ENAH: variants seen among roughly 807,000 people sequenced by gnomAD.
ENAH encodes ENAH actin regulator.
ENAH carries 23 observed loss-of-function variants against 78.7 expected under a neutral mutation model. The ratio of observed to expected loss-of-function variants is 0.29; its 90% CI spans 0.21 to 0.41. ENAH has a LOEUF of 0.41. ENAH is among the 10% of genes least tolerant of loss of function. The pLI, the probability that ENAH is intolerant of heterozygous loss-of-function variation, is 1.00. For missense variants in ENAH, 544 were observed against 691.0 expected (o/e 0.79, Z 2.39); for synonymous variants, 226 against 241.0 (o/e 0.94, Z 0.58).
Position 225,652,732 on chromosome 1 carries a change from C to G in ENAH, c.-42G>C. 7.6e-7 allele frequency: 1 copy of G among 1,315,418 alleles called. No individual in the cohort carries two copies. Among genetic ancestry groups the G allele is most frequent in the Non-Finnish European group, 9.7e-7 (1 of 1,033,930 alleles). 81.5% of individuals were successfully genotyped at this position (1,315,418 alleles called of 1,614,324 possible). A position where few individuals can be genotyped will look rare whatever the true frequency, so the allele number is the denominator to read the frequency against. On this transcript the variant is annotated 5_prime_UTR_variant, in exon 1 of 14. Coordinates refer to ENST00000366843, the MANE Select transcript of ENAH (RefSeq NM_018212.6). ...AGGCTTCCCCACCAGCCGGGAGACG[C>G]AGAAGGCGCCGAGCCGAGGGGGGGG...
rs147860269 is a variant in ENAH at position 225,650,092 on chromosome 1, G to C, written c.5+2594C>G. On this transcript the variant is annotated intron_variant, in intron 1 of 13. Coordinates refer to ENST00000366843, the MANE Select transcript of ENAH (RefSeq NM_018212.6). Reference sequence around the variant, plus strand: ...CCCAAAGAATATTCCAAAGACTTTTGCAAGCAGCACAAGAACGTTTTATCC... The same window carrying C: ...CCCAAAGAATATTCCAAAGACTTTTCCAAGCAGCACAAGAACGTTTTATCC... 1.6e-3 allele frequency among the ~76,000 whole-genome samples: 247 copies of C among 152,264 alleles called. 2 individuals are homozygous for C. The highest frequency in any genetic ancestry group is 0.013 in the Admixed American group (194 of 15,296).
chr1:225,546,090 A>G (rs1270203967), intron 3 of ENAH, among the ~76,000 whole-genome samples: 2 of 151,472 alleles, frequency 1.3e-5, no homozygotes, highest in African/African-American at 4.9e-5. Flanking sequence ...TGCCCACCTA[A>G]TTTTTAATAT....
chr1:225,497,016 CT>C lies in ENAH; in HGVS notation c.*758del. 1 of 152,754 alleles carries C rather than the reference CT, an allele frequency of 6.5e-6. No individual in the cohort carries two copies. The highest frequency in any genetic ancestry group is 3.4e-3 in the Middle Eastern group (1 of 294). 9.5% of individuals were successfully genotyped at this position (152,754 alleles called of 1,614,324 possible). On this transcript the variant is annotated 3_prime_UTR_variant, in exon 14 of 14. Transcript: ENST00000366843. ...ACAATATAGTGTTTACATTTGACCA[CT>C]GGTTTGTGTTATGTAGAAGTCATAG... is the stretch of plus-strand genomic sequence containing the variant.
chr1:225,591,881 G>C (rs754287840), intron 1 of ENAH, among the ~76,000 whole-genome samples: 1 of 152,022 alleles, frequency 6.6e-6, no homozygotes, highest in Non-Finnish European at 1.5e-5. Flanking sequence ...AGAGCATGGG[G>C]ATTAAGAGGA....
intron 1 of ENAH, among the ~76,000 whole-genome samples, chr1:225,611,197 A>G (rs542035148): frequency 6.6e-6 from 1 of 152,276 alleles, no homozygotes; most frequent in East Asian, 1.9e-4. Flanking sequence ...AAAAAAGATA[A>G]TAGTCCCTGT....
Position 225,508,003 on chromosome 1 carries a change from G to A in ENAH, c.1486C>T (p.Pro496Ser). The change falls in exon 11 of 14, where the codon CCT becomes TCT. Residue 496 changes from proline to serine, a missense_variant. Coordinates refer to ENST00000366843, the MANE Select transcript of ENAH (RefSeq NM_018212.6). ...STSTPEPTRK[P>S]WERTNTMNGS... ...TTCATTGTATTTGTTCTTTCCCAAG[G>A]TTTTCTTGTTGGTTCTTTAAAAATA... 6.4e-7 allele frequency: 1 copy of A among 1,551,292 alleles called. No individual in the cohort carries two copies. Among genetic ancestry groups the A allele is most frequent in the South Asian group, 1.3e-5 (1 of 77,746 alleles).
chr1:225,584,155 A>G (rs559261543), intron 1 of ENAH, among the ~76,000 whole-genome samples: 3 of 152,358 alleles, frequency 2.0e-5, no homozygotes, highest in African/African-American at 7.2e-5. Flanking sequence ...TCTGTTTCAA[A>G]AACAAAAAAG....
intron 1 of ENAH, among the ~76,000 whole-genome samples, chr1:225,612,557 A>G (rs1398015973): frequency 6.6e-6 from 1 of 152,192 alleles, no homozygotes; most frequent in Non-Finnish European, 1.5e-5. Context: ...AGAATTGTAC[A>G]CTTTTAAATG....
chr1:225,514,650 A>T lies in ENAH; in HGVS notation c.1164T>A (p.Pro388=), dbSNP rs866479197. 7.5e-6 allele frequency: 12 copies of T among 1,600,716 alleles called. No individual in the cohort carries two copies. In the Middle Eastern group the frequency reaches 2.1e-3, roughly 274 times the overall value. The change falls in exon 7 of 14, where the codon CCT becomes CCA. Residue 388 remains proline (P), a synonymous_variant. Transcript: ENST00000366843. ...FLASMSEDNR[P]LTGLAAAIAG... ...CAATTGCAGCTGCAAGTCCAGTTAA[A>T]GGGCGATTGTCTTCTGACATGGATG...
chr1:225,641,108 C>A (rs1660974264), intron 1 of ENAH, among the ~76,000 whole-genome samples: 1 of 151,828 alleles, frequency 6.6e-6, no homozygotes, highest in South Asian at 2.1e-4. Context: ...CGTGATCCAC[C>A]CGCCTCAGCC....
chr1:225,571,570 G>T (rs2096762632), intron 1 of ENAH, among the ~76,000 whole-genome samples: 1 of 152,030 alleles, frequency 6.6e-6, no homozygotes, highest in Admixed American at 6.6e-5. Context: ...GGCTGAAGGG[G>T]CTTCTAGATG....
At chr1:225,617,431 C>A (rs1655981582) in intron 1 of ENAH, among the ~76,000 whole-genome samples, 1 of 152,140 alleles carries the variant, frequency 6.6e-6, no homozygotes. Context: ...TTACTAGGAT[C>A]CTGGCTCAGG....
intron 1 of ENAH, among the ~76,000 whole-genome samples, chr1:225,573,263 A>G (rs768301080): frequency 9.9e-5 from 15 of 152,226 alleles, no homozygotes; most frequent in Non-Finnish European, 2.1e-4. Context: ...TGTAGCACAC[A>G]GTAGGCACTC....
At chr1:225,642,127 G>A (rs969408460) in intron 1 of ENAH, among the ~76,000 whole-genome samples, 21 of 151,718 alleles carry the variant, frequency 1.4e-4, no homozygotes, top group Non-Finnish European at 4.4e-5. Flanking sequence ...TTTGAACCCA[G>A]GAGGCAGAGG....
At chr1:225,509,587 C>T (rs1327214636) in intron 10 of ENAH, among the ~76,000 whole-genome samples, 1 of 152,144 alleles carries the variant, frequency 6.6e-6, no homozygotes, top group African/African-American at 2.4e-5. Flanking sequence ...ATTGGTCTGC[C>T]TATCTTAATC....
At chr1:225,562,069 C>T (rs187580326) in intron 2 of ENAH, among the ~76,000 whole-genome samples, 100 of 152,118 alleles carry the variant, frequency 6.6e-4, no homozygotes, top group Middle Eastern at 3.4e-3. Context: ...ATTACAGGCG[C>T]GCGCCACTAC....
At chr1:225,556,443 G>T (rs1325478750) in intron 2 of ENAH, among the ~76,000 whole-genome samples, 1 of 152,038 alleles carries the variant, frequency 6.6e-6, no homozygotes, top group Non-Finnish European at 1.5e-5. Flanking sequence ...GTTTTAGTTT[G>T]CATTTCCCTG....
chr1:225,540,927 G>A (rs969137770), intron 3 of ENAH, among the ~76,000 whole-genome samples: 2 of 152,092 alleles, frequency 1.3e-5, no homozygotes, highest in African/African-American at 2.4e-5. Context: ...GCTACAAGAT[G>A]TATGAGCCCT....
At chr1:225,543,093 A>G (rs2096597459) in intron 3 of ENAH, among the ~76,000 whole-genome samples, 1 of 152,070 alleles carries the variant, frequency 6.6e-6, no homozygotes, top group African/African-American at 2.4e-5. Flanking sequence ...GCTGCATACT[A>G]CAATAGTTAT....
Sources: gnomAD v4.1 joint callset for allele counts (sites outside exome capture counted in the v4.1 genomes callset) on GRCh38, gnomAD v4.1.1 for gene constraint, MANE v1.5 for transcripts, NCBI Gene and HGNC (gene_info 2026-07-23, HGNC 2026-07-21) for gene names.